Variants in TMEM229A observed in about 807,000 individuals in gnomAD.
TMEM229A encodes transmembrane protein 229A.
In TMEM229A, 23 loss-of-function variants were observed where a neutral mutation model predicts 30.0. That is an observed-to-expected ratio of 0.77 (90% CI 0.55 to 1.09). TMEM229A has a LOEUF of 1.09. TMEM229A is among the 50% of genes least tolerant of loss of function. TMEM229A has a pLI of 0.00. For synonymous variants in TMEM229A, 264 were observed against 241.5 expected, an observed-to-expected ratio of 1.09 and a Z score of -0.86; for missense variants, 534 against 525.9, an observed-to-expected ratio of 1.02 and a Z score of -0.15.
In TMEM229A at chr7:124,032,496, A is replaced by G; in HGVS notation, c.508T>C (p.Cys170Arg). The G allele has an allele frequency of 6.5e-7, 1 of 1,550,118 alleles. No homozygotes were observed. The highest frequency in any genetic ancestry group is 8.7e-7 in the Non-Finnish European group (1 of 1,146,564). ...AGGAAGCGCTTCAGGAACACTTGGC[A>G]GTGGTAGAGCGCCAGCACGTACTGC... is the stretch of plus-strand genomic sequence containing the variant. ...ALQYVLALYH[C>R]QVFLKRFLRL... The change falls in exon 1 of 1, where the codon TGC becomes CGC. Residue 170 changes from cysteine to arginine, a missense_variant. Cys to Arg is a radical substitution (Grantham distance 180, BLOSUM62 -3). Transcript: ENST00000455783. This position sits in a 1 kb window ranked among gnomAD's most constrained non-coding sequence, Gnocchi z 6.6.
chr7:124,032,805 G>T lies in TMEM229A; in HGVS notation c.199C>A (p.Leu67Met). 1.3e-6 allele frequency: 2 copies of T among 1,550,686 alleles called. No individual in the cohort carries two copies. Among genetic ancestry groups the T allele is most frequent in the Non-Finnish European group, 1.7e-6 (2 of 1,146,730 alleles). ...LYFYGMHGIT[L>M]DVLVSSARRF... ...CGGGCCGAGGACACCAGCACGTCCA[G>T]GGTGATCCCGTGCATCCCGTAGAAG... Residue 67 changes from leucine to methionine, a missense_variant, in exon 1 of 1, where the codon CTG becomes ATG. Transcript: ENST00000455783. This position sits in a 1 kb window ranked among gnomAD's most constrained non-coding sequence, Gnocchi z 6.6.
At position 124,032,281 on chromosome 7, in the gene TMEM229A, T is replaced by C. The variant is rs1360268187; in HGVS notation, c.723A>G (p.Leu241=). 25 of 1,550,834 alleles carry C rather than the reference T, an allele frequency of 1.6e-5. No homozygotes were observed. The highest frequency in any genetic ancestry group is 2.1e-5 in the Non-Finnish European group (24 of 1,146,912). The change falls in exon 1 of 1, where the codon CTA becomes CTG. Residue 241 remains leucine (L), a synonymous_variant. Coordinates refer to ENST00000455783, the MANE Select transcript of TMEM229A (RefSeq NM_001136002.2). This position sits in a 1 kb window ranked among gnomAD's most constrained non-coding sequence, Gnocchi z 6.6. ...GCATTCCGAAGAAAAGAAAGCGGGG[T>C]AGGTCGGGCAGCCCCTGGCTGGGGG... is the stretch of plus-strand genomic sequence containing the variant. The part of the protein sequence containing the change: ...GGAPSQGLPD[L]PRFLFFGMHG...
chr7:124,032,441 CG>C lies in TMEM229A; in HGVS notation c.562del (p.Arg188GlyfsTer127), dbSNP rs1563050107. ...CTGCTGCTGCTGCTGTTGCTGCTGC[CG>C]CCGCCTCTGTCGCCCGTACCGCAAG... ...LRLRYGRQRRRQQQQQQQQQQ... is the reference protein window; with the variant it reads ...LRLRYGRQRRXQQQQQQQQQQ... On this transcript the variant is annotated frameshift_variant, in exon 1 of 1. Transcript: ENST00000455783. LOFTEE classifies it high-confidence loss of function. The surrounding 1 kb of genome is among the most constrained non-coding windows in gnomAD (Gnocchi z 6.6). The C allele has an allele frequency of 6.5e-7, 1 of 1,545,578 alleles. No homozygotes were observed. Among genetic ancestry groups the C allele is most frequent in the Admixed American group, 2.0e-5 (1 of 50,918 alleles).
chr7:124,032,112 G>C lies in TMEM229A; in HGVS notation c.892C>G (p.Leu298Val). 6.4e-7 allele frequency: 1 copy of C among 1,551,740 alleles called. No homozygotes were observed. The highest frequency in any genetic ancestry group is 8.7e-7 in the Non-Finnish European group (1 of 1,147,016). Residue 298 changes from leucine (L) to valine (V), a missense_variant, in exon 1 of 1, where the codon CTC becomes GTC. By Grantham distance (32) the Leu-to-Val change is conservative. Coordinates refer to ENST00000455783, the MANE Select transcript of TMEM229A (RefSeq NM_001136002.2). The surrounding 1 kb of genome is among the most constrained non-coding windows in gnomAD (Gnocchi z 6.6). ...GTGCCCCAACCGCGGCTGTAGTGGA[G>C]GTGGAAGTAGAGCTTTTCCACCACG... is the stretch of plus-strand genomic sequence containing the variant. ...SFVVEKLYFH[L>V]HYSRGWGTWK...
In TMEM229A at chr7:124,032,831, T is replaced by C; in HGVS notation, c.173A>G (p.Tyr58Cys). ...GGTGATCCCGTGCATCCCGTAGAAG[T>C]AGAGGCGCATCCAGGCGGGCAGCGT... is the stretch of plus-strand genomic sequence containing the variant. ...SATLPAWMRL[Y>C]FYGMHGITLD... The change falls in exon 1 of 1, where the codon TAC becomes TGC. Residue 58 changes from tyrosine to cysteine, a missense_variant. Coordinates refer to ENST00000455783, the MANE Select transcript of TMEM229A (RefSeq NM_001136002.2). This position sits in a 1 kb window ranked among gnomAD's most constrained non-coding sequence, Gnocchi z 6.6. The C allele has an allele frequency of 6.5e-7, 1 of 1,547,736 alleles. No homozygotes were observed.
Position 124,032,278 on chromosome 7 carries a change from G to C in TMEM229A, c.726C>G (p.Pro242=), listed in dbSNP as rs1297287316. ...GAPSQGLPDL[P]RFLFFGMHGF... ...CGTGCATTCCGAAGAAAAGAAAGCGGGGTAGGTCGGGCAGCCCCTGGCTGG... is the reference window on the plus strand; with the variant it reads ...CGTGCATTCCGAAGAAAAGAAAGCGCGGTAGGTCGGGCAGCCCCTGGCTGG... The change falls in exon 1 of 1, where the codon CCC becomes CCG. Residue 242 remains proline (P), a synonymous_variant. Transcript: ENST00000455783. This position sits in a 1 kb window ranked among gnomAD's most constrained non-coding sequence, Gnocchi z 6.6. The C allele has an allele frequency of 1.3e-6, 2 of 1,551,180 alleles. No individual in the cohort carries two copies. Among genetic ancestry groups the C allele is most frequent in the African/African-American group, 2.7e-5 (2 of 73,066 alleles).
chr7:124,031,841 T>C lies in TMEM229A; in HGVS notation c.*20A>G. ...TGGGAATCCAGTGACTTTTTCCTTT[T>C]CTTTCTTTCTTTTTTGGTTTTAGTT... On this transcript the variant is annotated 3_prime_UTR_variant, in exon 1 of 1. Transcript: ENST00000455783. The surrounding 1 kb of genome is among the most constrained non-coding windows in gnomAD (Gnocchi z 4.1). The C allele has an allele frequency of 5.5e-6, 8 of 1,464,106 alleles. No homozygotes were observed. The highest frequency in any genetic ancestry group is 7.2e-6 in the Non-Finnish European group (8 of 1,103,992). 90.7% of individuals were successfully genotyped at this position (1,464,106 alleles called of 1,614,324 possible). A position where few individuals can be genotyped will look rare whatever the true frequency, so the allele number is the denominator to read the frequency against.
In TMEM229A at chr7:124,031,654, T is replaced by C. The variant is rs951961373; in HGVS notation, c.*207A>G. ...TTGGCAAATAAAGTACTTTGAATTA[T>C]GTTTCGAGTAGTGTTTCAAAGTATA... On this transcript the variant is annotated 3_prime_UTR_variant, in exon 1 of 1. Coordinates refer to ENST00000455783, the MANE Select transcript of TMEM229A (RefSeq NM_001136002.2). This position sits in a 1 kb window ranked among gnomAD's most constrained non-coding sequence, Gnocchi z 4.1. The C allele has an allele frequency of 3.9e-6, 2 of 512,630 alleles. No individual in the cohort carries two copies. The highest frequency in any genetic ancestry group is 1.9e-5 in the African/African-American group (1 of 51,478). The allele number at this position is 512,630 out of a possible 1,614,324, so 31.8% of individuals were successfully genotyped here.
At position 124,031,188 on chromosome 7, in the gene TMEM229A, A is replaced by G. The variant is rs1244865982; in HGVS notation, c.*673T>C. 2.0e-5 allele frequency: 3 copies of G among 152,242 alleles called. No homozygotes were observed. Among genetic ancestry groups the G allele is most frequent in the African/African-American group, 7.2e-5 (3 of 41,464 alleles). 9.4% of individuals were successfully genotyped at this position (152,242 alleles called of 1,614,324 possible). A position where few individuals can be genotyped will look rare whatever the true frequency, so the allele number is the denominator to read the frequency against. On this transcript the variant is annotated 3_prime_UTR_variant, in exon 1 of 1. Transcript: ENST00000455783. This position sits in a 1 kb window ranked among gnomAD's most constrained non-coding sequence, Gnocchi z 4.1. ...CAATCATTTCCAGGATGGAGATCAAATATCTTAACACAGTGTCACCTGTGT... is the reference window on the plus strand; with the variant it reads ...CAATCATTTCCAGGATGGAGATCAAGTATCTTAACACAGTGTCACCTGTGT...
Position 124,031,790 on chromosome 7 carries a change from G to A in TMEM229A, c.*71C>T, listed in dbSNP as rs988535752. The A allele has an allele frequency of 3.6e-6, 5 of 1,405,850 alleles. No homozygotes were observed. Among genetic ancestry groups the A allele is most frequent in the Non-Finnish European group, 4.7e-6 (5 of 1,064,870 alleles). 87.1% of individuals were successfully genotyped at this position (1,405,850 alleles called of 1,614,324 possible). A position where few individuals can be genotyped will look rare whatever the true frequency, so the allele number is the denominator to read the frequency against. ...CTAAAAAACCCACTTCATTTTAAAT[G>A]TGTAAAAATAAATCGCATCCATTCG... On this transcript the variant is annotated 3_prime_UTR_variant, in exon 1 of 1. Coordinates refer to ENST00000455783, the MANE Select transcript of TMEM229A (RefSeq NM_001136002.2). The surrounding 1 kb of genome is among the most constrained non-coding windows in gnomAD (Gnocchi z 4.1).
In TMEM229A at chr7:124,032,435, TGCTGCC is replaced by T. The variant is rs1049242103; in HGVS notation, c.563_568del (p.Arg188_Gln189del). On this transcript the variant is annotated inframe_deletion, in exon 1 of 1. Coordinates refer to ENST00000455783, the MANE Select transcript of TMEM229A (RefSeq NM_001136002.2). This position sits in a 1 kb window ranked among gnomAD's most constrained non-coding sequence, Gnocchi z 6.6. ...CTGCTGCTGCTGCTGCTGCTGTTGC[TGCTGCC>T]GCCGCCTCTGTCGCCCGTACCGCAA... 1.6e-5 allele frequency: 24 copies of T among 1,546,662 alleles called. No individual in the cohort carries two copies. Among genetic ancestry groups the T allele is most frequent in the Middle Eastern group, 1.8e-4 (1 of 5,630 alleles).
chr7:124,032,550 C>T lies in TMEM229A; in HGVS notation c.454G>A (p.Val152Met). 1 of 1,549,380 alleles carries T rather than the reference C, an allele frequency of 6.5e-7. No individual in the cohort carries two copies. The stretch of plus-strand genomic sequence containing the variant: ...GCCAGGTCCAGCGCCCCTGGCGCCA[C>T]CGCGACCCCCGCCCCGCCGCCCAGG... ...LSLGGGAGVA[V>M]APGALDLALQ... is the part of the protein sequence containing the mutation. The change falls in exon 1 of 1, where the codon GTG becomes ATG. Residue 152 changes from valine to methionine, a missense_variant. Physicochemically the swap from Val to Met is conservative, Grantham distance 21. Transcript: ENST00000455783. The surrounding 1 kb of genome is among the most constrained non-coding windows in gnomAD (Gnocchi z 6.6).
Position 124,032,854 on chromosome 7 carries a change from C to G in TMEM229A, c.150G>C (p.Thr50=). Residue 50 remains threonine, a synonymous_variant, in exon 1 of 1, where the codon ACG becomes ACC. Coordinates refer to ENST00000455783, the MANE Select transcript of TMEM229A (RefSeq NM_001136002.2). The surrounding 1 kb of genome is among the most constrained non-coding windows in gnomAD (Gnocchi z 6.6). ...AGTAGAGGCGCATCCAGGCGGGCAGCGTGGCGCTCTCAGCCGGCGCTTCAG... is the reference window on the plus strand; with the variant it reads ...AGTAGAGGCGCATCCAGGCGGGCAGGGTGGCGCTCTCAGCCGGCGCTTCAG... ...STAEAPAESA[T]LPAWMRLYFY... 6.5e-7 allele frequency: 1 copy of G among 1,543,414 alleles called. No individual in the cohort carries two copies. The highest frequency in any genetic ancestry group is 2.0e-5 in the Admixed American group (1 of 50,450).
chr7:124,032,100 G>A lies in TMEM229A; in HGVS notation c.904C>T (p.Arg302Cys). Residue 302 changes from arginine to cysteine, a missense_variant, in exon 1 of 1, where the codon CGC becomes TGC. By Grantham distance (180) the Arg-to-Cys change is radical. Transcript: ENST00000455783. The surrounding 1 kb of genome is among the most constrained non-coding windows in gnomAD (Gnocchi z 6.6). ...EKLYFHLHYS[R>C]GWGTWKRVPI... ...ACCCGCTTCCAAGTGCCCCAACCGC[G>A]GCTGTAGTGGAGGTGGAAGTAGAGC... 1 of 1,551,712 alleles carries A rather than the reference G, an allele frequency of 6.4e-7. No individual in the cohort carries two copies. The highest frequency in any genetic ancestry group is 8.7e-7 in the Non-Finnish European group (1 of 1,147,010).
At position 124,031,970 on chromosome 7, in the gene TMEM229A, A is replaced by T. The variant is rs748467260; in HGVS notation, c.1034T>A (p.Phe345Tyr). The T allele has an allele frequency of 6.4e-6, 10 of 1,551,616 alleles. 1 individual carries two copies. The South Asian group carries it at 1.1e-4, about 17-fold the overall frequency. ...SWDYSHYPLN[F>Y]MGLITLMYLP... ...ATACATCAGGGTGATGAGGCCCATA[A>T]AATTGAGCGGGTAGTGAGAATAGTC... The change falls in exon 1 of 1, where the codon TTT becomes TAT. Residue 345 changes from phenylalanine to tyrosine, a missense_variant. Phe to Tyr is a conservative substitution (Grantham distance 22). Coordinates refer to ENST00000455783, the MANE Select transcript of TMEM229A (RefSeq NM_001136002.2). This position sits in a 1 kb window ranked among gnomAD's most constrained non-coding sequence, Gnocchi z 4.1.
In TMEM229A at chr7:124,032,313, C is replaced by T. The variant is rs1007590741; in HGVS notation, c.691G>A (p.Gly231Arg). 8.4e-6 allele frequency: 13 copies of T among 1,549,248 alleles called. No homozygotes were observed. In the African/African-American group the frequency reaches 1.8e-4, roughly 21 times the overall value. ...GGCAGCCCCTGGCTGGGGGCTCCCCCGGCGCCCCTGGGGCCACGGGGTCGT... is the reference window on the plus strand; with the variant it reads ...GGCAGCCCCTGGCTGGGGGCTCCCCTGGCGCCCCTGGGGCCACGGGGTCGT... ...RRRPRGPRGA[G>R]GAPSQGLPDL... The change falls in exon 1 of 1, where the codon GGG becomes AGG. Residue 231 changes from glycine to arginine, a missense_variant. By Grantham distance (125) the Gly-to-Arg change is moderately radical (BLOSUM62 -2). Coordinates refer to ENST00000455783, the MANE Select transcript of TMEM229A (RefSeq NM_001136002.2). This position sits in a 1 kb window ranked among gnomAD's most constrained non-coding sequence, Gnocchi z 6.6.
At position 124,032,204 on chromosome 7, in the gene TMEM229A, T is replaced by C. The variant is rs1237729867; in HGVS notation, c.800A>G (p.Gln267Arg). 2.6e-6 allele frequency: 4 copies of C among 1,551,628 alleles called. No homozygotes were observed. Among genetic ancestry groups the C allele is most frequent in the Non-Finnish European group, 3.5e-6 (4 of 1,147,004 alleles). Residue 267 changes from glutamine (Q) to arginine (R), a missense_variant, in exon 1 of 1, where the codon CAG becomes CGG. By Grantham distance (43) the Gln-to-Arg change is conservative. Transcript: ENST00000455783. The surrounding 1 kb of genome is among the most constrained non-coding windows in gnomAD (Gnocchi z 6.6). ...FFTFFFNVLG[Q>R]GDGTTSGHTS... ...GTGGCCGCTGGTTGTCCCGTCCCCCTGCCCCAGTACGTTGAAGAAGAAGGT... is the reference window on the plus strand; with the variant it reads ...GTGGCCGCTGGTTGTCCCGTCCCCCCGCCCCAGTACGTTGAAGAAGAAGGT...
At position 124,032,803 on chromosome 7, in the gene TMEM229A, C is replaced by T; in HGVS notation, c.201G>A (p.Leu67=). Residue 67 remains leucine (L), a synonymous_variant, in exon 1 of 1, where the codon CTG becomes CTA. Coordinates refer to ENST00000455783, the MANE Select transcript of TMEM229A (RefSeq NM_001136002.2). The surrounding 1 kb of genome is among the most constrained non-coding windows in gnomAD (Gnocchi z 6.6). The stretch of plus-strand genomic sequence containing the variant: ...GCCGGGCCGAGGACACCAGCACGTC[C>T]AGGGTGATCCCGTGCATCCCGTAGA... ...LYFYGMHGIT[L]DVLVSSARRF... is the part of the protein sequence containing the mutation. 6.4e-7 allele frequency: 1 copy of T among 1,550,684 alleles called. No individual in the cohort carries two copies. Among genetic ancestry groups the T allele is most frequent in the Non-Finnish European group, 8.7e-7 (1 of 1,146,724 alleles).
At position 124,032,183 on chromosome 7, in the gene TMEM229A, C is replaced by T; in HGVS notation, c.821G>A (p.Gly274Asp). Residue 274 changes from glycine (G) to aspartate (D), a missense_variant, in exon 1 of 1, where the codon GGC becomes GAC. Coordinates refer to ENST00000455783, the MANE Select transcript of TMEM229A (RefSeq NM_001136002.2). This position sits in a 1 kb window ranked among gnomAD's most constrained non-coding sequence, Gnocchi z 6.6. ...VLGQGDGTTS[G>D]HTSLWSFFMY... ...AAAGAAGGACCAGAGCGACGTGTGG[C>T]CGCTGGTTGTCCCGTCCCCCTGCCC... The T allele has an allele frequency of 6.4e-7, 1 of 1,551,758 alleles. No individual in the cohort carries two copies.
Sources: gnomAD v4.1 joint callset for allele counts on GRCh38, gnomAD v4.1.1 for gene constraint, Gnocchi (gnomAD v3.1) non-coding constraint, MANE v1.5 for transcripts, NCBI Gene and HGNC (gene_info 2026-07-23, HGNC 2026-07-21) for gene names.